CACNA1B: variants seen among roughly 807,000 people sequenced by gnomAD.
The protein encoded by CACNA1B is calcium voltage-gated channel subunit alpha1 B.
Under a neutral mutation model 247.2 loss-of-function variants are expected in CACNA1B, and 70 were observed. The ratio of observed to expected loss-of-function variants is 0.28; its 90% CI spans 0.23 to 0.35. The LOEUF (loss-of-function observed/expected upper bound fraction) is 0.35, where lower values mean the gene tolerates loss of function less well. CACNA1B is among the 10% of genes least tolerant of loss of function. The pLI, the probability that CACNA1B is intolerant of heterozygous loss-of-function variation, is 1.00. For synonymous variants in CACNA1B, 1,231 were observed against 1,294.4 expected (o/e 0.95, Z 1.05); for missense variants, 2,367 against 3,197.4 (o/e 0.74, Z 6.26).
chr9:138,084,126 G>T (rs1960617720), intron 36 of CACNA1B, among the ~76,000 whole-genome samples: 1 of 151,100 alleles, frequency 6.6e-6, no homozygotes. Context: ...CTAGGGAATG[G>T]CTTAGAATCA....
At chr9:138,008,140 G>A (rs542587714) in intron 16 of CACNA1B, among the ~76,000 whole-genome samples, 1 of 152,340 alleles carries the variant, frequency 6.6e-6, no homozygotes, top group South Asian at 2.1e-4. Context: ...GTCTGCTTTG[G>A]AGATGGGTGG....
At position 138,014,794 on chromosome 9, in the gene CACNA1B, G is replaced by A. The variant is rs1275488412; in HGVS notation, c.2267+1559G>A. 6.6e-6 allele frequency among the ~76,000 whole-genome samples: 1 copy of A among 151,894 alleles called. No individual in the cohort carries two copies. Among genetic ancestry groups the A allele is most frequent in the African/African-American group, 2.4e-5 (1 of 41,342 alleles). On this transcript the variant is annotated intron_variant, in intron 18 of 46. Coordinates refer to ENST00000371372, the MANE Select transcript of CACNA1B (RefSeq NM_000718.4). The surrounding 1 kb of genome is among the most constrained non-coding windows in gnomAD (Gnocchi z 6.2). ...TGCCTGCCGGCCCTGCCTCCTCCTG[G>A]GGGTATGGGAGGGTGTCCACTCCCA...
intron 42 of CACNA1B, among the ~76,000 whole-genome samples, chr9:138,116,806 C>G (rs968762573): frequency 2.0e-5 from 3 of 152,156 alleles, no homozygotes; most frequent in Admixed American, 2.0e-4. Flanking sequence ...TCCTAACCAC[C>G]CCTCCTCTCA....
chr9:138,016,061 G>GAC (rs897886991), intron 18 of CACNA1B, among the ~76,000 whole-genome samples: 9 of 151,446 alleles, frequency 5.9e-5, no homozygotes, highest in African/African-American at 2.2e-4. Flanking sequence ...GACTCACACA[G>GAC]ACACACACAC....
rs1017259322 is a variant in CACNA1B, at chr9:137,950,595, C to T, written c.967-1679C>T. Among the ~76,000 whole-genome samples the T allele has an allele frequency of 2.6e-5, 4 of 152,138 alleles. No individual in the cohort carries two copies. The highest frequency in any genetic ancestry group is 1.9e-4 in the East Asian group (1 of 5,178). The stretch of plus-strand genomic sequence containing the variant: ...AAGGGAGGGATGGAGATGGAGCCAG[C>T]GTTTTCTGTGAGTTGTCTGAGAGCT... On this transcript the variant is annotated intron_variant, in intron 6 of 46. Transcript: ENST00000371372. This position sits in a 1 kb window ranked among gnomAD's most constrained non-coding sequence, Gnocchi z 4.8.
At position 138,102,096 on chromosome 9, in the gene CACNA1B, T is replaced by C. The variant is rs1013572525; in HGVS notation, c.5223-615T>C. On this transcript the variant is annotated intron_variant, in intron 37 of 46. Coordinates refer to ENST00000371372, the MANE Select transcript of CACNA1B (RefSeq NM_000718.4). The surrounding 1 kb of genome is among the most constrained non-coding windows in gnomAD (Gnocchi z 5.4). ...CTGCCCTGGGCTGGCCTCGGGCGTC[T>C]CTGGGCTTGAAGCAGGACTTGCCCC... is the stretch of plus-strand genomic sequence containing the variant. 6.6e-6 allele frequency among the ~76,000 whole-genome samples: 1 copy of C among 152,206 alleles called. No homozygotes were observed. Among genetic ancestry groups the C allele is most frequent in the African/African-American group, 2.4e-5 (1 of 41,462 alleles).
intron 39 of CACNA1B, among the ~76,000 whole-genome samples, chr9:138,111,182 A>ACATC (rs1961615620): frequency 6.6e-6 from 1 of 152,248 alleles, no homozygotes; most frequent in African/African-American, 2.4e-5. Context: ...ATGAAAACAT[A>ACATC]CATCCACACA....
rs146089270 is a variant in CACNA1B at position 137,930,508 on chromosome 9, C to T, written c.966+13077C>T. ...ATTTGTTGACGTTTGTTACATGGCT[C>T]GGAATATGGTCTATTTTGATATTTA... On this transcript the variant is annotated intron_variant, in intron 6 of 46. Transcript: ENST00000371372. Among the ~76,000 whole-genome samples, 3 of 152,244 alleles carry T rather than the reference C, an allele frequency of 2.0e-5. No individual in the cohort carries two copies. The East Asian group carries it at 5.8e-4, about 29-fold the overall frequency.
rs1961215177 is a variant in CACNA1B at position 138,100,462 on chromosome 9, C to T, written c.5223-2249C>T. Among the ~76,000 whole-genome samples the T allele has an allele frequency of 6.6e-6, 1 of 152,062 alleles. No homozygotes were observed. Among genetic ancestry groups the T allele is most frequent in the African/African-American group, 2.4e-5 (1 of 41,386 alleles). On this transcript the variant is annotated intron_variant, in intron 37 of 46. Coordinates refer to ENST00000371372, the MANE Select transcript of CACNA1B (RefSeq NM_000718.4). The surrounding 1 kb of genome is among the most constrained non-coding windows in gnomAD (Gnocchi z 4.6). ...CCCCCCGTGGTGGTCCCTTGGCTGCCACAACCTTAGCAAACATCTTTGGTG... is the reference window on the plus strand; with the variant it reads ...CCCCCCGTGGTGGTCCCTTGGCTGCTACAACCTTAGCAAACATCTTTGGTG...
At chr9:138,070,009 G>A (rs1960065720) in intron 32 of CACNA1B, among the ~76,000 whole-genome samples, 1 of 152,196 alleles carries the variant, frequency 6.6e-6, no homozygotes. Flanking sequence ...GCTTCCCTGA[G>A]ACCTGCCCAA....
chr9:137,939,851 A>AAAT (rs1564198569), intron 6 of CACNA1B, among the ~76,000 whole-genome samples: 1,272 of 76,464 alleles, frequency 0.017, 10 homozygotes, highest in African/African-American at 0.029. Flanking sequence ...AATAAATAAA[A>AAAT]AAAAATAAAA....
In CACNA1B at chr9:137,950,512, G is replaced by A. The variant is rs73570218; in HGVS notation, c.967-1762G>A. Among the ~76,000 whole-genome samples the A allele has an allele frequency of 3.5e-3, 534 of 152,328 alleles. 5 individuals carry two copies. The highest frequency in any genetic ancestry group is 0.012 in the African/African-American group (502 of 41,572). ...GCTTTCTCTGACAGCACCCCATGGA[G>A]GGTGAGGGGATTCGGATGCCTCACT... On this transcript the variant is annotated intron_variant, in intron 6 of 46. Transcript: ENST00000371372. This position sits in a 1 kb window ranked among gnomAD's most constrained non-coding sequence, Gnocchi z 4.8.
rs371368778 is a variant in CACNA1B at position 138,017,142 on chromosome 9, T to C, written c.2267+3907T>C. 2.4e-4 allele frequency: 125 copies of C among 519,074 alleles called. No individual in the cohort carries two copies. The East Asian group carries it at 3.7e-3, about 15-fold the overall frequency. 32.2% of individuals were successfully genotyped at this position (519,074 alleles called of 1,614,324 possible). A position where few individuals can be genotyped will look rare whatever the true frequency, so the allele number is the denominator to read the frequency against. Reference sequence around the variant, plus strand: ...GTTCTGTTTTTTGCATGTGCAGTTTTGTAAAGCAAGCTCGAGGTACTGTAT... The same window carrying C: ...GTTCTGTTTTTTGCATGTGCAGTTTCGTAAAGCAAGCTCGAGGTACTGTAT... On this transcript the variant is annotated intron_variant, in intron 18 of 46. Transcript: ENST00000371372.
intron 15 of CACNA1B, among the ~76,000 whole-genome samples, chr9:137,999,309 C>T (rs994611350): frequency 2.0e-5 from 3 of 151,996 alleles, no homozygotes; most frequent in East Asian, 1.9e-4. Context: ...AAGCAGGCAC[C>T]GTTAATGAAA....
chr9:138,079,732 G>A (rs2131321614), intron 36 of CACNA1B, among the ~76,000 whole-genome samples: 1 of 109,726 alleles, frequency 9.1e-6, no homozygotes, highest in Admixed American at 1.3e-4. Flanking sequence ...AACAGAGCCA[G>A]ACTCCATCTC....
chr9:137,940,817 A>G (rs1197181879), intron 6 of CACNA1B, among the ~76,000 whole-genome samples: 1 of 152,208 alleles, frequency 6.6e-6, no homozygotes, highest in Non-Finnish European at 1.5e-5. Context: ...CAAAAATCAC[A>G]TGATCATCTC....
intron 36 of CACNA1B, among the ~76,000 whole-genome samples, chr9:138,085,766 A>C (rs1960673909): frequency 6.6e-6 from 1 of 151,338 alleles, no homozygotes; most frequent in Non-Finnish European, 1.5e-5. Flanking sequence ...AACAAAAAAC[A>C]AACTGTCAGT....
chr9:137,912,505 G>A (rs1957369788), intron 3 of CACNA1B, among the ~76,000 whole-genome samples: 1 of 152,204 alleles, frequency 6.6e-6, no homozygotes, highest in South Asian at 2.1e-4. Context: ...GTGAGACCGA[G>A]GATTGACACC....
In CACNA1B at chr9:138,058,324, A is replaced by G; in HGVS notation, c.4308+74A>G. The G allele has an allele frequency of 3.1e-6, 4 of 1,297,258 alleles. No homozygotes were observed. The highest frequency in any genetic ancestry group is 4.4e-6 in the Non-Finnish European group (4 of 901,586). The allele number at this position is 1,297,258 out of a possible 1,614,324, so 80.4% of individuals were successfully genotyped here. On this transcript the variant is annotated intron_variant, in intron 28 of 46. Transcript: ENST00000371372. This position sits in a 1 kb window ranked among gnomAD's most constrained non-coding sequence, Gnocchi z 4.7. Reference sequence around the variant, plus strand: ...CATCAGGCTTCCCTCCTGCACACAAATCACTCACAGCTGGGTCAGCTTTGG... The same window carrying G: ...CATCAGGCTTCCCTCCTGCACACAAGTCACTCACAGCTGGGTCAGCTTTGG...
Sources: allele counts gnomAD v4.1 joint callset (sites outside exome capture counted in the v4.1 genomes callset), GRCh38; gene constraint gnomAD v4.1.1; non-coding constraint Gnocchi (gnomAD v3.1); transcripts MANE v1.5; gene names NCBI Gene and HGNC (gene_info 2026-07-23, HGNC 2026-07-21).